Variants in DENND2B observed in about 807,000 individuals in gnomAD.
DENND2B encodes DENN domain containing 2B.
A neutral mutation model predicts 116.0 loss-of-function variants in DENND2B; 32 were observed. The ratio of observed to expected loss-of-function variants is 0.28; its 90% CI spans 0.21 to 0.37. The LOEUF (loss-of-function observed/expected upper bound fraction) is 0.37. Ranked by LOEUF, DENND2B falls within the 10% of genes least tolerant of loss-of-function variation. The probability of loss-of-function intolerance (pLI) is 1.00; values close to 1 mark genes in which losing one functional copy is unlikely to be tolerated. For synonymous variants in DENND2B, 588 were observed against 583.9 expected (o/e 1.01, Z -0.10); for missense variants, 1,276 against 1,477.7 (o/e 0.86, Z 2.24).
intron 2 of DENND2B, among the ~76,000 whole-genome samples, chr11:8,867,159 A>G (rs1053184402): frequency 1.3e-5 from 2 of 152,216 alleles, no homozygotes; most frequent in African/African-American, 4.8e-5. Flanking sequence ...GAAACGGCGT[A>G]CAGGTTGCAC....
chr11:8,835,174 G>C (rs2062370376), intron 4 of DENND2B, among the ~76,000 whole-genome samples: 1 of 152,166 alleles, frequency 6.6e-6, no homozygotes, highest in Admixed American at 6.5e-5. Context: ...AGCCCAGAGG[G>C]TGGAGGCTGC....
At chr11:8,860,083 C>G (rs2063342533) in intron 2 of DENND2B, among the ~76,000 whole-genome samples, 1 of 152,090 alleles carries the variant, frequency 6.6e-6, no homozygotes, top group Non-Finnish European at 1.5e-5. Flanking sequence ...AAATAAACAC[C>G]TAGAGAATCA....
chr11:8,764,405 T>C (rs1002993828), intron 1 of DENND2B, among the ~76,000 whole-genome samples: 6 of 152,198 alleles, frequency 3.9e-5, no homozygotes, highest in Admixed American at 3.9e-4. Context: ...TCTATGCATG[T>C]ATTTATATTT....
chr11:8,835,927 T>G (rs2062402988), intron 4 of DENND2B, among the ~76,000 whole-genome samples: 2 of 151,984 alleles, frequency 1.3e-5, no homozygotes, highest in African/African-American at 4.8e-5. Flanking sequence ...TACCGATCTA[T>G]CTAAAGAAAA....
chr11:8,737,302 A>G (rs1184204529), intron 2 of DENND2B, among the ~76,000 whole-genome samples: 1 of 152,222 alleles, frequency 6.6e-6, no homozygotes, highest in Non-Finnish European at 1.5e-5. Context: ...ACAAGGAAGA[A>G]GAACTAGCCA....
intron 1 of DENND2B, among the ~76,000 whole-genome samples, chr11:8,897,291 T>A (rs2064114369): frequency 6.6e-6 from 1 of 151,932 alleles, no homozygotes; most frequent in Non-Finnish European, 1.5e-5. Context: ...CAGAGGCACA[T>A]GACAAATTAA....
chr11:8,725,809 A>C (rs1053424193), intron 4 of DENND2B, among the ~76,000 whole-genome samples: 1 of 152,236 alleles, frequency 6.6e-6, no homozygotes, highest in South Asian at 2.1e-4. Context: ...TTCCAAAAAT[A>C]AAGGAAAGGA....
intron 4 of DENND2B, among the ~76,000 whole-genome samples, chr11:8,722,804 C>T (rs1246618712): frequency 6.6e-6 from 1 of 152,140 alleles, no homozygotes; most frequent in Non-Finnish European, 1.5e-5. Flanking sequence ...CCTAAACATC[C>T]GATGCAGTAT....
At chr11:8,723,408 T>A (rs1357875126) in intron 4 of DENND2B, among the ~76,000 whole-genome samples, 1 of 152,146 alleles carries the variant, frequency 6.6e-6, no homozygotes, top group Non-Finnish European at 1.5e-5. Context: ...GGGGCAATGT[T>A]TGGGGGGCAG....
intron 2 of DENND2B, among the ~76,000 whole-genome samples, chr11:8,749,160 CCAA>C (rs1213374748): frequency 2.0e-5 from 3 of 152,188 alleles, no homozygotes; most frequent in Non-Finnish European, 4.4e-5. Context: ...TGACAAGAGC[CCAA>C]CAACATGGTT....
chr11:8,779,517 T>C (rs56011409), intron 1 of DENND2B, among the ~76,000 whole-genome samples: 5,210 of 149,522 alleles, frequency 0.035, 293 homozygotes, highest in African/African-American at 0.12. Flanking sequence ...TTTCTTTCTT[T>C]TTTTTTTTTT....
upstream of DENND2B, among the ~76,000 whole-genome samples, chr11:8,872,485 TAAA>T (rs398044981): frequency 6.8e-5 from 7 of 102,958 alleles, no homozygotes; most frequent in Admixed American, 1.1e-4. Flanking sequence ...AGACTCCGTC[TAAA>T]AAAAAAAAAA....
At chr11:8,749,845 A>C (rs2052023469) in intron 2 of DENND2B, among the ~76,000 whole-genome samples, 1 of 152,156 alleles carries the variant, frequency 6.6e-6, no homozygotes, top group South Asian at 2.1e-4. Flanking sequence ...AAAAAGACTA[A>C]AGGTTCTTTT....
chr11:8,724,844 C>T (rs190766545), intron 4 of DENND2B, among the ~76,000 whole-genome samples: 72 of 152,322 alleles, frequency 4.7e-4, no homozygotes, highest in Admixed American at 1.8e-3. Context: ...AATGTCTCCT[C>T]CAAGGACAAA....
intron 2 of DENND2B, among the ~76,000 whole-genome samples, chr11:8,864,827 C>A (rs753416125): frequency 1.3e-5 from 2 of 152,174 alleles, no homozygotes; most frequent in Non-Finnish European, 2.9e-5. Context: ...TTTTACCCCA[C>A]TCTAGTTAGC....
intron 11 of DENND2B, among the ~76,000 whole-genome samples, chr11:8,708,828 G>A (rs917882064): frequency 6.6e-6 from 1 of 152,088 alleles, no homozygotes; most frequent in Non-Finnish European, 1.5e-5. Context: ...GCATGCGCCT[G>A]TAATCCCAGC....
Position 8,842,540 on chromosome 11 carries a change from G to C in DENND2B, c.-155-3190C>G, listed in dbSNP as rs565357326. On this transcript the variant is annotated intron_variant, in intron 3 of 6. Coordinates refer to the DENND2B transcript ENST00000524757. ...TCCCACCACCTCGTGTTTCTGTGTG[G>C]TATCGACTCGACCCTTTATGGTTTC... is the stretch of plus-strand genomic sequence containing the variant. Among the ~76,000 whole-genome samples the C allele has an allele frequency of 2.0e-5, 3 of 152,262 alleles. 1 individual carries two copies. In the South Asian group the frequency reaches 6.2e-4, roughly 32 times the overall value.
At position 8,717,885 on chromosome 11, in the gene DENND2B, C is replaced by T. The variant is rs2045230357; in HGVS notation, c.1485G>A (p.Leu495=). The T allele has an allele frequency of 1.2e-6, 2 of 1,610,052 alleles. No individual in the cohort carries two copies. Among genetic ancestry groups the T allele is most frequent in the South Asian group, 1.1e-5 (1 of 90,856 alleles). The change falls in exon 5 of 20, where the codon CTG becomes CTA. Residue 495 remains leucine, a synonymous_variant. Transcript: ENST00000313726. The stretch of plus-strand genomic sequence containing the variant: ...CATCCTCATATGGATTCTCCTTGGG[C>T]AGATCTCCTGCAGAGGAGGAAGAGT... ...ENAYEDIVGD[L]PKENPYEDVD...
chr11:8,814,619 C>T (rs2061506756), upstream of DENND2B, among the ~76,000 whole-genome samples: 1 of 152,188 alleles, frequency 6.6e-6, no homozygotes. Flanking sequence ...ATGAGGCTCC[C>T]CACACTTATC....
Sources: gnomAD v4.1 joint callset for allele counts (sites outside exome capture counted in the v4.1 genomes callset) on GRCh38, gnomAD v4.1.1 for gene constraint, MANE v1.5 for transcripts, NCBI Gene and HGNC (gene_info 2026-07-23, HGNC 2026-07-21) for gene names.